TCF7L1: variants seen among roughly 807,000 people sequenced by gnomAD.
TCF7L1 encodes the protein transcription factor 7-like 1.
A neutral mutation model predicts 63.7 loss-of-function variants in TCF7L1; 18 were observed. The ratio of observed to expected loss-of-function variants is 0.28; its 90% confidence interval spans 0.20 to 0.42. TCF7L1 has a LOEUF of 0.42. Among genes scored for constraint, TCF7L1 ranks in the 10% least tolerant of loss-of-function variants. The probability of loss-of-function intolerance (pLI) is 1.00; values close to 1 mark genes in which losing one functional copy is unlikely to be tolerated. For synonymous variants in TCF7L1, 355 were observed against 340.9 expected, an observed-to-expected ratio of 1.04 and a Z score of -0.46; for missense variants, 654 against 779.3, an observed-to-expected ratio of 0.84 and a Z score of 1.91.
chr2:85,208,326 G>A (rs916340541), intron 3 of TCF7L1, among the ~76,000 whole-genome samples: 12 of 152,194 alleles, frequency 7.9e-5, no homozygotes, highest in African/African-American at 2.9e-4. Flanking sequence ...GTACTGGCCT[G>A]TTGCAGTGAA....
intron 3 of TCF7L1, among the ~76,000 whole-genome samples, chr2:85,249,132 T>G (rs1046392071): frequency 1.3e-5 from 2 of 152,208 alleles, no homozygotes; most frequent in Non-Finnish European, 2.9e-5. Context: ...CAAAGTAGCA[T>G]TTGAAATTTT....
chr2:85,186,617 G>A (rs1359526796), intron 3 of TCF7L1: 2 of 152,174 alleles, frequency 1.3e-5, no homozygotes, highest in Admixed American at 6.5e-5. Context: ...AGGGTTAAAA[G>A]CATTCAATTG....
At chr2:85,243,497 C>A (rs952650440) in intron 3 of TCF7L1, among the ~76,000 whole-genome samples, 2 of 148,188 alleles carry the variant, frequency 1.3e-5, no homozygotes, top group Non-Finnish European at 3.1e-5. Context: ...AGCGACTCCA[C>A]GTGGGGAAGT....
intron 4 of TCF7L1, among the ~76,000 whole-genome samples, chr2:85,297,995 T>C (rs1032532326): frequency 5.3e-5 from 8 of 151,056 alleles, no homozygotes; most frequent in Non-Finnish European, 1.0e-4. Context: ...TCTCCCTCTG[T>C]CGCTCAGGAT....
At chr2:85,224,117 A>G (rs1410719703) in intron 3 of TCF7L1, among the ~76,000 whole-genome samples, 1 of 152,176 alleles carries the variant, frequency 6.6e-6, no homozygotes, top group Non-Finnish European at 1.5e-5. Context: ...AGGACATGAA[A>G]TCATCGTTTT....
At chr2:85,286,191 C>CAA (rs1221041124) in intron 4 of TCF7L1, among the ~76,000 whole-genome samples, 57 of 56,426 alleles carry the variant, frequency 1.0e-3, no homozygotes, top group African/African-American at 3.0e-3. Context: ...AACTCCATCT[C>CAA]AAAAAAAAAA....
chr2:85,242,686 CTT>C (rs1459858999), intron 3 of TCF7L1, among the ~76,000 whole-genome samples: 1 of 152,214 alleles, frequency 6.6e-6, no homozygotes, highest in Non-Finnish European at 1.5e-5. Flanking sequence ...TTCCTGAAGA[CTT>C]TGTCACTCCT....
At chr2:85,271,407 G>A (rs923696577) in intron 3 of TCF7L1, among the ~76,000 whole-genome samples, 13 of 152,288 alleles carry the variant, frequency 8.5e-5, no homozygotes, top group South Asian at 2.1e-4. Flanking sequence ...TACCGCGCCC[G>A]GCCCAGTTTC....
chr2:85,207,580 T>C (rs544435653), intron 3 of TCF7L1, among the ~76,000 whole-genome samples: 3 of 151,852 alleles, frequency 2.0e-5, no homozygotes, highest in South Asian at 4.2e-4. Context: ...TAGCTTTTAC[T>C]AAAGGGTGGG....
intron 3 of TCF7L1, among the ~76,000 whole-genome samples, chr2:85,257,599 C>A (rs1680747623): frequency 1.3e-5 from 2 of 152,220 alleles, no homozygotes; most frequent in African/African-American, 4.8e-5. Context: ...ACCTTCTCAG[C>A]TCACAGAGGG....
intron 3 of TCF7L1, among the ~76,000 whole-genome samples, chr2:85,234,177 C>A (rs1162162914): frequency 1.4e-5 from 2 of 141,384 alleles, no homozygotes; most frequent in Non-Finnish European, 3.0e-5. Context: ...CGCTCTTTCG[C>A]CAGGCTGGAG....
At chr2:85,302,404 T>A (rs1682002614) in intron 4 of TCF7L1, 80 bp from the exon 5 acceptor site, 1 of 1,599,344 alleles carries the variant, frequency 6.3e-7, no homozygotes, top group Non-Finnish European at 8.6e-7. Context: ...TACCTGGCAC[T>A]TACTTGATTC....
At chr2:85,283,179 G>C (rs1003904722) in intron 3 of TCF7L1, among the ~76,000 whole-genome samples, 4 of 151,806 alleles carry the variant, frequency 2.6e-5, no homozygotes, top group South Asian at 2.1e-4. Flanking sequence ...AGCCTCACTA[G>C]TAGGTTCTTT....
chr2:85,183,686 G>A (rs1426541295), intron 3 of TCF7L1, among the ~76,000 whole-genome samples: 2 of 152,204 alleles, frequency 1.3e-5, no homozygotes, highest in African/African-American at 4.8e-5. Flanking sequence ...TCTGGAGGAT[G>A]TAAGAGAACA....
intron 3 of TCF7L1, chr2:85,216,898 T>G (rs1465068332): frequency 6.6e-6 from 1 of 152,236 alleles, no homozygotes; most frequent in African/African-American, 2.4e-5. Flanking sequence ...AGATGTTTGA[T>G]CTGAGCCTTG....
rs1678123304 is a variant in TCF7L1, at chr2:85,155,458, A to G, written c.441+21008A>G. The stretch of plus-strand genomic sequence containing the variant: ...TGTAACGCTCACTGTGAAGGTCCAC[A>G]GCTTCATTCTTGAAGTCAGCGAGAC... On this transcript the variant is annotated intron_variant, in intron 3 of 11. Transcript: ENST00000282111. 2.0e-5 allele frequency among the ~76,000 whole-genome samples: 3 copies of G among 152,322 alleles called. No individual in the cohort carries two copies. In the South Asian group the frequency reaches 6.2e-4, roughly 32 times the overall value.
chr2:85,219,925 T>C (rs1679806443), intron 3 of TCF7L1, among the ~76,000 whole-genome samples: 1 of 152,174 alleles, frequency 6.6e-6, no homozygotes, highest in South Asian at 2.1e-4. Context: ...AAAATTAAAA[T>C]GTGTTTGTGT....
chr2:85,234,174 T>G (rs1178666001), intron 3 of TCF7L1, among the ~76,000 whole-genome samples: 1 of 146,392 alleles, frequency 6.8e-6, no homozygotes, highest in Non-Finnish European at 1.5e-5. Context: ...CCTCGCTCTT[T>G]CGCCAGGCTG....
In TCF7L1 at chr2:85,134,203, C is replaced by A; in HGVS notation, c.314-120C>A. On this transcript the variant is annotated intron_variant, in intron 2 of 11. Transcript: ENST00000282111. The surrounding 1 kb of genome is among the most constrained non-coding windows in gnomAD (Gnocchi z 5.0). Reference sequence around the variant, plus strand: ...CCTTGCCCTCCGCCTTTATTGGCGGCAGCCCCCGTGGGGCGCGCGTGGGGG... The same window carrying A: ...CCTTGCCCTCCGCCTTTATTGGCGGAAGCCCCCGTGGGGCGCGCGTGGGGG... 6.7e-7 allele frequency: 1 copy of A among 1,484,342 alleles called. No individual in the cohort carries two copies. Among genetic ancestry groups the A allele is most frequent in the South Asian group, 1.3e-5 (1 of 74,312 alleles). 91.9% of individuals were successfully genotyped at this position (1,484,342 alleles called of 1,614,324 possible).
Sources: allele counts gnomAD v4.1 joint callset (sites outside exome capture counted in the v4.1 genomes callset), GRCh38; gene constraint gnomAD v4.1.1; non-coding constraint Gnocchi (gnomAD v3.1); transcripts MANE v1.5; gene names NCBI Gene and HGNC (gene_info 2026-07-23, HGNC 2026-07-21).